Variants in UNC80 observed in about 807,000 individuals in gnomAD.
The protein encoded by UNC80 is protein unc-80 homolog.
In UNC80, 164 loss-of-function variants were observed where a neutral mutation model predicts 384.6. The observed-to-expected ratio is 0.43, with a 90% confidence interval of 0.38 to 0.49. The LOEUF (loss-of-function observed/expected upper bound fraction) is 0.49. Among genes scored for constraint, UNC80 ranks in the 20% least tolerant of loss-of-function variants. UNC80 has a pLI of 0.00. For missense variants in UNC80, 3,330 were observed against 4,143.0 expected, an observed-to-expected ratio of 0.80 and a Z score of 5.39; for synonymous variants, 1,486 against 1,527.8, an observed-to-expected ratio of 0.97 and a Z score of 0.64.
At chr2:209,841,508 A>G (rs62203406) in intron 20 of UNC80, among the ~76,000 whole-genome samples, 14,214 of 152,038 alleles carry the variant, frequency 0.093, 896 homozygotes, top group Non-Finnish European at 0.14. Context: ...GCGTGCCACC[A>G]TGCCCAGCTA....
At chr2:209,808,912 C>A (rs2079125198) in intron 7 of UNC80, 2 of 283,488 alleles carry the variant, frequency 7.1e-6, no homozygotes, top group Non-Finnish European at 1.4e-5. Context: ...GCAGCCCTAC[C>A]ACCAGGCCCA....
intron 61 of UNC80, among the ~76,000 whole-genome samples, chr2:209,989,086 G>T (rs2093345160): frequency 6.6e-6 from 1 of 151,670 alleles, no homozygotes; most frequent in African/African-American, 2.4e-5. Context: ...GCCGAGGCAG[G>T]CAGATTGCTT....
chr2:209,992,266 C>A lies in UNC80; in HGVS notation c.9396+19C>A. The A allele has an allele frequency of 6.5e-7, 1 of 1,546,330 alleles. No homozygotes were observed. Among genetic ancestry groups the A allele is most frequent in the Non-Finnish European group, 8.7e-7 (1 of 1,143,220 alleles). ...GAGGCAGGTAAGTAGACCCTTAAAG[C>A]GCAAGAGAACCATCCTACGAATTGG... On this transcript the variant is annotated intron_variant, in intron 62 of 64. Coordinates refer to ENST00000673920, the MANE Select transcript of UNC80 (RefSeq NM_001371986.1).
intron 7 of UNC80, among the ~76,000 whole-genome samples, chr2:209,804,478 CT>C (rs1475780393): frequency 2.0e-5 from 3 of 152,066 alleles, no homozygotes. Context: ...CTAATAGCCT[CT>C]TTTTTCCTCT....
Position 209,820,659 on chromosome 2 carries a change from AATG to A in UNC80, c.2314_2316del (p.Asp772del). On this transcript the variant is annotated inframe_deletion, in exon 13 of 65. Coordinates refer to ENST00000673920, the MANE Select transcript of UNC80 (RefSeq NM_001371986.1). ...AGGTGGAGGCGGCCCTTATGAGAAG[AATG>A]ATAAGAACCAAGAGAAGGTATGACT... The A allele has an allele frequency of 6.5e-7, 1 of 1,544,440 alleles. No individual in the cohort carries two copies.
intron 9 of UNC80, 119 bp downstream of exon 9, chr2:209,815,510 G>A (rs1057251262): frequency 4.6e-6 from 5 of 1,077,440 alleles, no homozygotes; most frequent in East Asian, 2.6e-5. Flanking sequence ...CTTAGAAACC[G>A]AAGTCAGCTC....
chr2:209,841,788 T>A (rs145732085), intron 20 of UNC80, among the ~76,000 whole-genome samples: 2,035 of 152,308 alleles, frequency 0.013, 48 homozygotes, highest in African/African-American at 0.045. Context: ...ACATAAGTCA[T>A]GTATTTGAGT....
At chr2:209,917,094 G>T (rs1351526711) in intron 31 of UNC80, among the ~76,000 whole-genome samples, 5 of 152,196 alleles carry the variant, frequency 3.3e-5, no homozygotes, top group Non-Finnish European at 7.3e-5. Context: ...GTTAGGATCT[G>T]TGAAAGAGAA....
chr2:209,865,661 A>G lies in UNC80; in HGVS notation c.3628-7097A>G, dbSNP rs368347516. ...AGATTTAGTTCTATCTTGCTTTTGC[A>G]TTAATATTCACAAATTAGACATTAT... On this transcript the variant is annotated intron_variant, in intron 22 of 64. Transcript: ENST00000673920. 7.9e-5 allele frequency among the ~76,000 whole-genome samples: 12 copies of G among 151,850 alleles called. No individual in the cohort carries two copies. The East Asian group carries it at 2.3e-3, about 29-fold the overall frequency.
intron 22 of UNC80, among the ~76,000 whole-genome samples, chr2:209,864,717 CAG>C (rs2083587721): frequency 6.6e-6 from 1 of 152,336 alleles, no homozygotes; most frequent in African/African-American, 2.4e-5. Context: ...CTGGCACCAA[CAG>C]GGGAAAAGCA....
In UNC80 at chr2:209,791,368, CCT is replaced by C. The variant is rs141196596; in HGVS notation, c.798+1764_798+1765del. ...GTCGCTGCAAGACCAAATTCCTCTC[CCT>C]GTTTTTTTTGTGCCTCCCACCACTT... is the stretch of plus-strand genomic sequence containing the variant. On this transcript the variant is annotated intron_variant, in intron 6 of 64. Transcript: ENST00000673920. Among the ~76,000 whole-genome samples the C allele has an allele frequency of 7.0e-3, 1,072 of 152,224 alleles. 12 individuals are homozygous for C. The highest frequency in any genetic ancestry group is 0.025 in the African/African-American group (1,018 of 41,530).
At chr2:209,989,302 G>A (rs1353899427) in intron 61 of UNC80, among the ~76,000 whole-genome samples, 3 of 150,702 alleles carry the variant, frequency 2.0e-5, no homozygotes, top group Non-Finnish European at 4.4e-5. Context: ...TCCAGCCTGG[G>A]CAACAGAGCA....
At chr2:209,834,520 A>G (rs565878692) in intron 17 of UNC80, among the ~76,000 whole-genome samples, 1 of 152,342 alleles carries the variant, frequency 6.6e-6, no homozygotes, top group East Asian at 1.9e-4. Context: ...CTGATGCCAT[A>G]TGATCCTGTT....
chr2:209,983,588 T>C (rs965330711), intron 60 of UNC80, among the ~76,000 whole-genome samples: 7 of 152,178 alleles, frequency 4.6e-5, no homozygotes, highest in Non-Finnish European at 8.8e-5. Context: ...TATCAGTTAT[T>C]TTTAATTGCT....
At position 209,894,233 on chromosome 2, in the gene UNC80, GA is replaced by G; in HGVS notation, c.4349del (p.Lys1450ArgfsTer15). Reference protein sequence around the residue: ...QIKGTRSFQVKKGGSLSSIRR... With the variant: ...QIKGTRSFQVXKGGSLSSIRR... ...TTAAAGGAACCCGCAGTTTCCAGGT[GA>G]AGAAGGGGGGTTCCTTGTCCAGCAT... On this transcript the variant is annotated frameshift_variant, in exon 27 of 65. Transcript: ENST00000673920. LOFTEE classifies it high-confidence loss of function. 1 of 985,448 alleles carries G rather than the reference GA, an allele frequency of 1.0e-6. No individual in the cohort carries two copies. The highest frequency in any genetic ancestry group is 1.2e-6 in the Non-Finnish European group (1 of 829,928). The allele number at this position is 985,448 out of a possible 1,614,324, so 61.0% of individuals were successfully genotyped here. A position where few individuals can be genotyped will look rare whatever the true frequency, so the allele number is the denominator to read the frequency against.
chr2:209,939,558 C>T lies in UNC80; in HGVS notation c.6552C>T (p.Ser2184=). Residue 2184 remains serine (S), a synonymous_variant, in exon 43 of 65, where the codon TCC becomes TCT. Coordinates refer to ENST00000673920, the MANE Select transcript of UNC80 (RefSeq NM_001371986.1). ...TQKIPTAHKQ[S]HVSMLQEDLL... The stretch of plus-strand genomic sequence containing the variant: ...AGATCCCCACAGCCCACAAACAGTC[C>T]CACGTCTCCATGCTTCAGGAAGACC... 1.3e-6 allele frequency: 2 copies of T among 1,551,772 alleles called. No individual in the cohort carries two copies. The highest frequency in any genetic ancestry group is 1.2e-5 in the South Asian group (1 of 84,046).
rs2091486329 is a variant in UNC80, at chr2:209,939,607, C to T, written c.6601C>T (p.Arg2201Cys). ...EDLLRLPSFP[R>C]SAIDAEFSLF... ...CCTCCTCCGCCTGCCCTCATTCCCT[C>T]GTAGTGCTATTGATGCTGAGTTTTC... The change falls in exon 43 of 65, where the codon CGT becomes TGT. Residue 2201 changes from arginine to cysteine, a missense_variant. By Grantham distance (180) the Arg-to-Cys change is radical (BLOSUM62 -3). Transcript: ENST00000673920. 3.9e-6 allele frequency: 6 copies of T among 1,551,586 alleles called. No individual in the cohort carries two copies. The highest frequency in any genetic ancestry group is 4.4e-6 in the Non-Finnish European group (5 of 1,146,858).
chr2:209,948,348 C>T (rs2092005360), intron 47 of UNC80, among the ~76,000 whole-genome samples: 1 of 151,972 alleles, frequency 6.6e-6, no homozygotes, highest in South Asian at 2.1e-4. Context: ...TATCTTCGGT[C>T]TTTTTATTTT....
chr2:209,830,125 C>G (rs1372124144), intron 15 of UNC80, among the ~76,000 whole-genome samples: 1 of 152,084 alleles, frequency 6.6e-6, no homozygotes, highest in Non-Finnish European at 1.5e-5. Context: ...GGAAGGATAG[C>G]TTTGTAGTAT....
Sources: allele counts gnomAD v4.1 joint callset (sites outside exome capture counted in the v4.1 genomes callset), GRCh38; gene constraint gnomAD v4.1.1; transcripts MANE v1.5; gene names NCBI Gene and HGNC (gene_info 2026-07-23, HGNC 2026-07-21).